SEMA3C: variants seen among roughly 807,000 people sequenced by gnomAD.
SEMA3C encodes the protein semaphorin 3C, also known as semaphorin-3C.
SEMA3C carries 47 observed loss-of-function variants against 89.4 expected under a neutral mutation model. That is an observed-to-expected ratio of 0.53 (90% CI 0.42 to 0.67). The LOEUF (loss-of-function observed/expected upper bound fraction) is 0.67. Ranked by LOEUF, SEMA3C falls within the 30% of genes least tolerant of loss-of-function variation. The probability of loss-of-function intolerance (pLI) is 0.00; values close to 1 mark genes in which losing one functional copy is unlikely to be tolerated. For missense variants in SEMA3C, 839 were observed against 929.1 expected (o/e 0.90, Z 1.26); for synonymous variants, 310 against 320.2 (o/e 0.97, Z 0.34).
intron 17 of SEMA3C, among the ~76,000 whole-genome samples, chr7:80,748,311 G>A (rs973723431): frequency 2.6e-5 from 4 of 152,028 alleles, no homozygotes; most frequent in African/African-American, 9.7e-5. Flanking sequence ...TCCACGAAAA[G>A]TTTCAGTAAG....
At chr7:80,912,342 T>C (rs1430801369) in intron 2 of SEMA3C, among the ~76,000 whole-genome samples, 1 of 152,206 alleles carries the variant, frequency 6.6e-6, no homozygotes, top group Non-Finnish European at 1.5e-5. Context: ...GAGCCCTATA[T>C]CAATACATAT....
chr7:80,795,382 T>G lies in SEMA3C; in HGVS notation c.1131+2710A>C, dbSNP rs1789037435. ...TCTCTAAGGATCACTCATCTGACAA[T>G]TTTTTGATTTAAAGGAGCTGCTCTG... On this transcript the variant is annotated intron_variant, in intron 11 of 17. Transcript: ENST00000265361. 2.6e-5 allele frequency among the ~76,000 whole-genome samples: 4 copies of G among 152,238 alleles called. No individual in the cohort carries two copies. The South Asian group carries it at 8.3e-4, about 32-fold the overall frequency.
intron 2 of SEMA3C, among the ~76,000 whole-genome samples, chr7:80,843,237 C>T (rs1242145074): frequency 6.6e-6 from 1 of 152,090 alleles, no homozygotes; most frequent in African/African-American, 2.4e-5. Flanking sequence ...ATGATAAGTA[C>T]TCAAGATAAT....
chr7:80,884,110 A>G (rs935919415), intron 2 of SEMA3C, among the ~76,000 whole-genome samples: 7 of 152,182 alleles, frequency 4.6e-5, no homozygotes, highest in African/African-American at 1.7e-4. Context: ...TAATAAGCTC[A>G]TTTTCATTTT....
intron 6 of SEMA3C, among the ~76,000 whole-genome samples, chr7:80,806,516 C>A (rs1162983458): frequency 6.6e-6 from 1 of 151,770 alleles, no homozygotes; most frequent in Non-Finnish European, 1.5e-5. Flanking sequence ...AAATAGAATA[C>A]GATAAGAAAG....
chr7:80,789,553 A>C, intron 11 of SEMA3C, 25 bp from the exon 12 acceptor site: 3 of 1,473,686 alleles, frequency 2.0e-6, no homozygotes, highest in Non-Finnish European at 2.8e-6. Context: ...TTAAAGAACC[A>C]AGTTAATAAA....
chr7:80,787,134 C>T (rs961821941), intron 12 of SEMA3C, among the ~76,000 whole-genome samples: 3 of 152,124 alleles, frequency 2.0e-5, no homozygotes, highest in African/African-American at 7.2e-5. Context: ...AGGTTCATGC[C>T]TGTAATCCCA....
At chr7:80,900,965 C>G (rs1791865705) in intron 2 of SEMA3C, among the ~76,000 whole-genome samples, 1 of 152,132 alleles carries the variant, frequency 6.6e-6, no homozygotes. Context: ...GCCTGAATGG[C>G]TTAAAAATAA....
At chr7:80,830,479 G>A (rs898894667) in intron 2 of SEMA3C, among the ~76,000 whole-genome samples, 13 of 151,988 alleles carry the variant, frequency 8.6e-5, no homozygotes, top group Middle Eastern at 6.8e-3. Flanking sequence ...TAAAATTTAG[G>A]GAGCTAAATC....
chr7:80,756,278 C>T (rs1206661100), intron 15 of SEMA3C, among the ~76,000 whole-genome samples: 5 of 152,168 alleles, frequency 3.3e-5, no homozygotes, highest in South Asian at 2.1e-4. Flanking sequence ...TAACCTCCCA[C>T]ATCCAAATAT....
chr7:80,841,010 G>A (rs906449094), intron 2 of SEMA3C, among the ~76,000 whole-genome samples: 34 of 152,278 alleles, frequency 2.2e-4, no homozygotes, highest in African/African-American at 7.9e-4. Flanking sequence ...AGGATGATTA[G>A]AAGTCTCAGG....
At chr7:80,820,373 T>C (rs1238927604) in intron 4 of SEMA3C, among the ~76,000 whole-genome samples, 1 of 152,060 alleles carries the variant, frequency 6.6e-6, no homozygotes, top group African/African-American at 2.4e-5. Context: ...CCTATTTTTT[T>C]ATAAACCATA....
At chr7:80,839,310 C>T (rs1486233555) in intron 2 of SEMA3C, among the ~76,000 whole-genome samples, 1 of 152,170 alleles carries the variant, frequency 6.6e-6, no homozygotes, top group South Asian at 2.1e-4. Context: ...AACACTTCAT[C>T]TGACACCTGC....
intron 12 of SEMA3C, among the ~76,000 whole-genome samples, chr7:80,767,858 G>T (rs562685916): frequency 2.0e-4 from 31 of 152,172 alleles, no homozygotes; most frequent in African/African-American, 7.0e-4. Context: ...TGACATAAAA[G>T]ATTTTATCTC....
chr7:80,865,750 C>T (rs141422799), intron 2 of SEMA3C, among the ~76,000 whole-genome samples: 2,602 of 152,106 alleles, frequency 0.017, 33 homozygotes, highest in Non-Finnish European at 0.025. Flanking sequence ...GCAGAGATCG[C>T]GCCATTGCAC....
intron 4 of SEMA3C, 66 bp from the exon 5 acceptor site, chr7:80,818,484 G>C: frequency 6.5e-7 from 1 of 1,532,386 alleles, no homozygotes. Flanking sequence ...AGTTAGCTAT[G>C]TTAACCTGAG....
intron 2 of SEMA3C, among the ~76,000 whole-genome samples, chr7:80,881,576 G>A (rs1356367007): frequency 1.3e-5 from 2 of 152,120 alleles, no homozygotes; most frequent in African/African-American, 4.8e-5. Flanking sequence ...ACTGAATGCT[G>A]AATTCTCCCA....
In SEMA3C at chr7:80,876,154, T is replaced by A. The variant is rs556656363; in HGVS notation, c.103+40525A>T. On this transcript the variant is annotated intron_variant, in intron 2 of 17. Transcript: ENST00000265361. ...GTCTTTGGAACACATCCCCTGCAGATAAAAAGGGACTACTGTATTAATAAT... is the reference window on the plus strand; with the variant it reads ...GTCTTTGGAACACATCCCCTGCAGAAAAAAAGGGACTACTGTATTAATAAT... Among the ~76,000 whole-genome samples, 3 of 152,264 alleles carry A rather than the reference T, an allele frequency of 2.0e-5. No homozygotes were observed. In the South Asian group the frequency reaches 6.2e-4, roughly 32 times the overall value.
chr7:80,862,010 C>A (rs1790783420), intron 2 of SEMA3C, among the ~76,000 whole-genome samples: 1 of 152,036 alleles, frequency 6.6e-6, no homozygotes, highest in Admixed American at 6.6e-5. Context: ...AAAGCTGAAA[C>A]CATGCCATCT....
Sources: gnomAD v4.1 joint callset for allele counts (sites outside exome capture counted in the v4.1 genomes callset) on GRCh38, gnomAD v4.1.1 for gene constraint, MANE v1.5 for transcripts, NCBI Gene and HGNC (gene_info 2026-07-23, HGNC 2026-07-21) for gene names.